Variants in MACROD2 observed in about 807,000 individuals in gnomAD.
MACROD2 encodes ADP-ribose glycohydrolase MACROD2.
MACROD2 carries 36 observed loss-of-function variants against 70.4 expected under a neutral mutation model. That is an observed-to-expected ratio of 0.51 (90% CI 0.39 to 0.68). MACROD2 has a LOEUF of 0.68. Ranked by LOEUF, MACROD2 falls within the 30% of genes least tolerant of loss-of-function variation. The pLI is 0.00. For synonymous variants in MACROD2, 172 were observed against 178.8 expected, an observed-to-expected ratio of 0.96 and a Z score of 0.30; for missense variants, 496 against 538.4, an observed-to-expected ratio of 0.92 and a Z score of 0.78.
rs542284808 is a variant in MACROD2 at position 14,284,366 on chromosome 20, C to CT, written c.271+198639dup. ...TTTCTCCAGAATATTTTTGTCTACT[C>CT]TAAGTATTTGTAGTACCAAAGCATA... On this transcript the variant is annotated intron_variant, in intron 3 of 17. Transcript: ENST00000684519. Among the ~76,000 whole-genome samples, 11 of 152,266 alleles carry CT rather than the reference C, an allele frequency of 7.2e-5. No homozygotes were observed. The South Asian group carries it at 2.3e-3, about 32-fold the overall frequency.
intron 12 of MACROD2, among the ~76,000 whole-genome samples, chr20:15,948,530 C>T (rs1423591088): frequency 1.7e-4 from 26 of 150,064 alleles, no homozygotes; most frequent in Non-Finnish European, 3.5e-4. Flanking sequence ...TTTCAGAATT[C>T]TCTTGTTTCA....
At chr20:14,960,874 C>A (rs2087959837) in intron 5 of MACROD2, among the ~76,000 whole-genome samples, 1 of 152,100 alleles carries the variant, frequency 6.6e-6, no homozygotes, top group African/African-American at 2.4e-5. Context: ...GAAATTGGGG[C>A]TTTGGCAAGG....
chr20:15,174,502 C>A (rs1347232103), intron 5 of MACROD2, among the ~76,000 whole-genome samples: 1 of 152,064 alleles, frequency 6.6e-6, no homozygotes, highest in Non-Finnish European at 1.5e-5. Flanking sequence ...GATTTATAGT[C>A]CTTTGGGTAT....
intron 5 of MACROD2, among the ~76,000 whole-genome samples, chr20:14,836,237 C>T (rs142741463): frequency 5.5e-4 from 83 of 152,140 alleles, no homozygotes; most frequent in African/African-American, 1.8e-3. Flanking sequence ...TTTGCTGTTA[C>T]GCTGTAATAC....
chr20:14,227,941 A>G (rs2081758033), intron 3 of MACROD2, among the ~76,000 whole-genome samples: 2 of 152,162 alleles, frequency 1.3e-5, no homozygotes, highest in South Asian at 4.1e-4. Flanking sequence ...TGACAATACC[A>G]TTTTAAAAAA....
intron 3 of MACROD2, among the ~76,000 whole-genome samples, chr20:14,370,790 C>T (rs566136140): frequency 2.6e-5 from 4 of 152,212 alleles, no homozygotes; most frequent in Non-Finnish European, 4.4e-5. Flanking sequence ...GTTTCTTTTT[C>T]AGAAAACTGC....
At chr20:15,227,940 T>A (rs904319611) in intron 5 of MACROD2, among the ~76,000 whole-genome samples, 1 of 151,622 alleles carries the variant, frequency 6.6e-6, no homozygotes, top group Admixed American at 6.6e-5. Context: ...GGTTCAATTT[T>A]TCTGTCATTT....
rs989964133 is a variant in MACROD2 at position 14,877,116 on chromosome 20, C to T, written c.418+192157C>T. ...GGAATGTTTTTCCATCTGTTTGTGT[C>T]ATCTGTGATTACTTTCAGCAGGCTT... On this transcript the variant is annotated intron_variant, in intron 5 of 17. Coordinates refer to ENST00000684519, the MANE Select transcript of MACROD2 (RefSeq NM_001351661.2). Among the ~76,000 whole-genome samples the T allele has an allele frequency of 2.6e-5, 4 of 152,228 alleles. No homozygotes were observed. In the East Asian group the frequency reaches 7.7e-4, roughly 29 times the overall value.
rs2066396394 is a variant in MACROD2, at chr20:15,981,345, G to C, written c.986-5382G>C. ...GTATCGTTATACAGTTTTTGCTTTA[G>C]ACAACTAAGTCATCTTACAGAATGA... is the stretch of plus-strand genomic sequence containing the variant. On this transcript the variant is annotated intron_variant, in intron 13 of 17. Coordinates refer to ENST00000684519, the MANE Select transcript of MACROD2 (RefSeq NM_001351661.2). Among the ~76,000 whole-genome samples, 4 of 152,176 alleles carry C rather than the reference G, an allele frequency of 2.6e-5. No homozygotes were observed. The South Asian group carries it at 8.3e-4, about 32-fold the overall frequency.
chr20:14,410,691 A>T (rs1287792196), intron 3 of MACROD2, among the ~76,000 whole-genome samples: 2 of 152,188 alleles, frequency 1.3e-5, no homozygotes, highest in East Asian at 1.9e-4. Flanking sequence ...ATAAATATGC[A>T]GTATAGGGTA....
intron 8 of MACROD2, 113 bp downstream of exon 8, chr20:15,499,960 C>A: frequency 1.1e-6 from 1 of 930,170 alleles, no homozygotes; most frequent in Non-Finnish European, 1.7e-6. Context: ...GTCATTGAGC[C>A]AAACCTAGCT....
chr20:14,145,071 T>G (rs2054927723), intron 3 of MACROD2, among the ~76,000 whole-genome samples: 2 of 152,140 alleles, frequency 1.3e-5, no homozygotes, highest in South Asian at 4.1e-4. Flanking sequence ...TACCACATCT[T>G]CCCTGTAACC....
At chr20:14,483,631 C>G (rs886592214) in intron 3 of MACROD2, among the ~76,000 whole-genome samples, 19 of 152,206 alleles carry the variant, frequency 1.2e-4, no homozygotes, top group Admixed American at 5.2e-4. Context: ...GTCTCGAACT[C>G]CCGACCTCAG....
intron 4 of MACROD2, among the ~76,000 whole-genome samples, chr20:14,676,102 G>T (rs1031498387): frequency 6.6e-6 from 1 of 152,104 alleles, no homozygotes; most frequent in African/African-American, 2.4e-5. Context: ...AATAGTGGGA[G>T]ACTTTAACAC....
intron 13 of MACROD2, among the ~76,000 whole-genome samples, chr20:15,974,387 A>G (rs1163811216): frequency 6.6e-6 from 1 of 152,164 alleles, no homozygotes; most frequent in Non-Finnish European, 1.5e-5. Context: ...AGGAAACTTA[A>G]ATGCATATTA....
At chr20:15,254,959 TAAG>T (rs1289750357) in intron 6 of MACROD2, among the ~76,000 whole-genome samples, 1 of 138,114 alleles carries the variant, frequency 7.2e-6, no homozygotes, top group Non-Finnish European at 1.5e-5. Context: ...TTTTTTCAGT[TAAG>T]AAGCTGGTAA....
intron 4 of MACROD2, among the ~76,000 whole-genome samples, chr20:14,578,215 G>GA (rs1980746570): frequency 6.6e-6 from 1 of 151,294 alleles, no homozygotes; most frequent in Non-Finnish European, 1.5e-5. Context: ...CACAAATTGA[G>GA]AAAAAATTTA....
intron 8 of MACROD2, among the ~76,000 whole-genome samples, chr20:15,798,574 AG>A (rs2063696410): frequency 6.6e-6 from 1 of 152,242 alleles, no homozygotes; most frequent in African/African-American, 2.4e-5. Flanking sequence ...TCAAATTCAA[AG>A]GGAGAATTAA....
At chr20:15,618,095 CTTTTTTTT>C (rs398035424) in intron 8 of MACROD2, among the ~76,000 whole-genome samples, 2 of 70,840 alleles carry the variant, frequency 2.8e-5, no homozygotes, top group African/African-American at 5.8e-5. Context: ...CATCATTAGT[CTTTTTTTT>C]TTTTTTTTTT....
Sources: gnomAD v4.1 joint callset for allele counts (sites outside exome capture counted in the v4.1 genomes callset) on GRCh38, gnomAD v4.1.1 for gene constraint, MANE v1.5 for transcripts, NCBI Gene and HGNC (gene_info 2026-07-23, HGNC 2026-07-21) for gene names.